NSD1: variants seen among roughly 807,000 people sequenced by gnomAD.
NSD1 encodes the protein nuclear receptor binding SET domain protein 1, also known as histone-lysine N-methyltransferase, H3 lysine-36 specific.
A neutral mutation model predicts 242.7 loss-of-function variants in NSD1; 26 were observed. That is an observed-to-expected ratio of 0.11 (90% CI 0.08 to 0.15). The LOEUF (loss-of-function observed/expected upper bound fraction) is 0.15, where lower values mean the gene tolerates loss of function less well. Among genes scored for constraint, NSD1 ranks in the 10% least tolerant of loss-of-function variants. The probability of loss-of-function intolerance (pLI) is 1.00; values close to 1 mark genes in which losing one functional copy is unlikely to be tolerated. For synonymous variants in NSD1, 1,106 were observed against 1,178.1 expected, an observed-to-expected ratio of 0.94 and a Z score of 1.25; for missense variants, 2,495 against 3,272.8, an observed-to-expected ratio of 0.76 and a Z score of 5.80.
chr5:177,193,848 C>T (rs1440814646), intron 3 of NSD1, among the ~76,000 whole-genome samples: 1 of 152,064 alleles, frequency 6.6e-6, no homozygotes, highest in Non-Finnish European at 1.5e-5. Flanking sequence ...AATTTCGGCT[C>T]ACTGCAACCT....
intron 2 of NSD1, among the ~76,000 whole-genome samples, chr5:177,163,515 T>G (rs567666106): frequency 6.6e-6 from 1 of 152,284 alleles, no homozygotes; most frequent in South Asian, 2.1e-4. Flanking sequence ...CAGGCCTCCA[T>G]TTGAGACCAT....
chr5:177,203,885 C>G (rs1312292897), intron 3 of NSD1, among the ~76,000 whole-genome samples: 1 of 152,128 alleles, frequency 6.6e-6, no homozygotes, highest in African/African-American at 2.4e-5. Context: ...TGAAGCTATA[C>G]CACGTCATCA....
At chr5:177,185,728 TA>T (rs1237859131) in intron 2 of NSD1, among the ~76,000 whole-genome samples, 1 of 106,028 alleles carries the variant, frequency 9.4e-6, no homozygotes, top group East Asian at 2.5e-4. Context: ...TATTATATAT[TA>T]TATATATTTT....
intron 18 of NSD1, among the ~76,000 whole-genome samples, chr5:177,281,417 A>G (rs1002146513): frequency 1.1e-4 from 17 of 150,074 alleles, no homozygotes; most frequent in African/African-American, 3.7e-4. Context: ...TGTAGTGTAT[A>G]TGGGTTGGCG....
At chr5:177,201,035 C>T (rs144838077) in intron 3 of NSD1, among the ~76,000 whole-genome samples, 2 of 151,178 alleles carry the variant, frequency 1.3e-5, no homozygotes, top group Non-Finnish European at 2.9e-5. Flanking sequence ...CAGGTGCATA[C>T]CACCACACCT....
chr5:177,208,429 A>G (rs1405715695), intron 4 of NSD1, among the ~76,000 whole-genome samples: 1 of 152,176 alleles, frequency 6.6e-6, no homozygotes, highest in Non-Finnish European at 1.5e-5. Flanking sequence ...AGGTAGATCA[A>G]ACCTGCTGAT....
chr5:177,281,729 T>C (rs1222693557), intron 18 of NSD1, among the ~76,000 whole-genome samples: 1 of 152,200 alleles, frequency 6.6e-6, no homozygotes, highest in Non-Finnish European at 1.5e-5. Context: ...CTCCGCTCAC[T>C]GCAACCTTCA....
intron 3 of NSD1, 106 bp from the exon 4 acceptor site, chr5:177,204,014 G>A: frequency 1.8e-6 from 2 of 1,104,300 alleles, no homozygotes; most frequent in Non-Finnish European, 2.8e-6. Flanking sequence ...GGGCATGTTA[G>A]TTGTTTCCAG....
chr5:177,159,885 G>A (rs1374391575), intron 2 of NSD1, among the ~76,000 whole-genome samples: 2 of 151,388 alleles, frequency 1.3e-5, no homozygotes, highest in Non-Finnish European at 2.9e-5. Context: ...CACTGCACCC[G>A]GCCGAATATA....
At chr5:177,174,277 G>A (rs1237028304) in intron 2 of NSD1, among the ~76,000 whole-genome samples, 1 of 152,082 alleles carries the variant, frequency 6.6e-6, no homozygotes, top group Non-Finnish European at 1.5e-5. Flanking sequence ...TCACTTAAAC[G>A]CGGGAGGCGG....
In NSD1 at chr5:177,235,904, C is replaced by T. The variant is rs761564636; in HGVS notation, c.3880C>T (p.Pro1294Ser). 5.6e-6 allele frequency: 9 copies of T among 1,613,746 alleles called. No homozygotes were observed. In the East Asian group the frequency reaches 1.6e-4, roughly 28 times the overall value. Reference protein sequence around the residue: ...YTEEYDQIFAPKKKQKKVQEQ... With the variant: ...YTEEYDQIFASKKKQKKVQEQ... ...AGAAGAATATGATCAGATATTTGCTCCTAAGAAAAAACAAAAGAAGGTACA... is the reference window on the plus strand; with the variant it reads ...AGAAGAATATGATCAGATATTTGCTTCTAAGAAAAAACAAAAGAAGGTACA... Residue 1294 changes from proline (P) to serine (S), a missense_variant, in exon 6 of 23, where the codon CCT becomes TCT. Physicochemically the swap from Pro to Ser is moderately conservative, Grantham distance 74. Coordinates refer to ENST00000439151, the MANE Select transcript of NSD1 (RefSeq NM_022455.5).
intron 5 of NSD1, among the ~76,000 whole-genome samples, chr5:177,235,578 A>T (rs1039557663): frequency 9.2e-5 from 14 of 152,212 alleles, no homozygotes; most frequent in African/African-American, 3.4e-4. Flanking sequence ...TTAATTTTGG[A>T]TGGGCCACAT....
intron 1 of NSD1, 85 bp from the exon 2 acceptor site, chr5:177,135,002 C>T (rs1756194024): frequency 1.7e-6 from 2 of 1,192,610 alleles, no homozygotes; most frequent in East Asian, 2.3e-5. Context: ...ATAGAGGCCA[C>T]TAGGCCTTGA....
At chr5:177,229,289 T>C (rs1377536188) in intron 5 of NSD1, among the ~76,000 whole-genome samples, 1 of 152,230 alleles carries the variant, frequency 6.6e-6, no homozygotes, top group Non-Finnish European at 1.5e-5. Flanking sequence ...TTGTCATTTA[T>C]CTCTTTCTTC....
At chr5:177,276,747 G>A (rs973356929) in intron 17 of NSD1, among the ~76,000 whole-genome samples, 2 of 151,996 alleles carry the variant, frequency 1.3e-5, no homozygotes, top group African/African-American at 2.4e-5. Context: ...TGGGATTATA[G>A]GCATGAGCTG....
chr5:177,212,016 A>C lies in NSD1; in HGVS notation c.3617A>C (p.His1206Pro). The C allele has an allele frequency of 1.2e-6, 2 of 1,614,126 alleles. No homozygotes were observed. Among genetic ancestry groups the C allele is most frequent in the East Asian group, 2.2e-5 (1 of 44,884 alleles). The change falls in exon 5 of 23, where the codon CAT (histidine) becomes CCT (proline). Residue 1206 changes from histidine to proline, a missense_variant. Physicochemically the swap from His to Pro is moderately conservative, Grantham distance 77 (BLOSUM62 -2). This residue lies in a region of NSD1 where 426 missense variants were observed against 411.4 expected (regional missense o/e 1.04). Transcript: ENST00000439151. ...GAGGGGCGGGATGAGTTTCCAGAGC[A>C]TAGAACTCCTTCAGCAAGCATACTT... Reference protein sequence around the residue: ...VQEGRDEFPEHRTPSASILEE... With the variant: ...VQEGRDEFPEPRTPSASILEE...
intron 16 of NSD1, among the ~76,000 whole-genome samples, chr5:177,271,220 C>A (rs142195177): frequency 4.8e-4 from 73 of 152,130 alleles, no homozygotes; most frequent in African/African-American, 1.7e-3. Context: ...AATATTGTGG[C>A]AGAAGTGTGT....
chr5:177,135,460 T>A lies in NSD1; in HGVS notation c.357T>A (p.Gly119=), dbSNP rs772657279. The change falls in exon 2 of 23, where the codon GGT becomes GGA. Residue 119 remains glycine (G), a synonymous_variant. Transcript: ENST00000439151. ...TTGTTTGCACTTCCTTGAGTCCTGGTGGTCCTACAGCACTTGCTATGAAAC... is the reference window on the plus strand; with the variant it reads ...TTGTTTGCACTTCCTTGAGTCCTGGAGGTCCTACAGCACTTGCTATGAAAC... ...TPIVCTSLSP[G]GPTALAMKQE... is the part of the protein sequence containing the mutation. The A allele has an allele frequency of 6.2e-7, 1 of 1,614,214 alleles. No individual in the cohort carries two copies. The highest frequency in any genetic ancestry group is 2.2e-5 in the East Asian group (1 of 44,888).
chr5:177,157,929 A>G (rs1373848664), intron 2 of NSD1, among the ~76,000 whole-genome samples: 1 of 152,198 alleles, frequency 6.6e-6, no homozygotes, highest in African/African-American at 2.4e-5. Flanking sequence ...TGTTGTATGT[A>G]TGCATACTTC....
Sources: gnomAD v4.1 joint callset for allele counts (sites outside exome capture counted in the v4.1 genomes callset) on GRCh38, gnomAD v4.1.1 for gene constraint, gnomAD v4.1.1 regional missense constraint, MANE v1.5 for transcripts, NCBI Gene and HGNC (gene_info 2026-07-23, HGNC 2026-07-21) for gene names.